The following BBX variants were observed in gnomAD, a reference collection of about 807,000 sequenced individuals.
The protein encoded by BBX is BBX high mobility group box domain containing.
Under a neutral mutation model 100.2 loss-of-function variants are expected in BBX, and 30 were observed. The ratio of observed to expected loss-of-function variants is 0.30; its 90% CI spans 0.22 to 0.41. BBX has a LOEUF of 0.41. Ranked by LOEUF, BBX falls within the 10% of genes least tolerant of loss-of-function variation. BBX has a pLI of 1.00. For synonymous variants in BBX, 376 were observed against 388.1 expected, an observed-to-expected ratio of 0.97 and a Z score of 0.37; for missense variants, 1,023 against 1,129.8, an observed-to-expected ratio of 0.91 and a Z score of 1.35.
chr3:107,535,011 C>T (rs1466455338), intron 2 of BBX, among the ~76,000 whole-genome samples: 1 of 152,172 alleles, frequency 6.6e-6, no homozygotes, highest in African/African-American at 2.4e-5. Context: ...TTATTTTTCA[C>T]AACAACTTTC....
chr3:107,648,288 T>C (rs2057644687), intron 3 of BBX, among the ~76,000 whole-genome samples: 1 of 152,182 alleles, frequency 6.6e-6, no homozygotes, highest in African/African-American at 2.4e-5. Context: ...CTTACAACTT[T>C]TCCTAAAACT....
Position 107,810,935 on chromosome 3 carries a change from T to C in BBX, c.*5478T>C, listed in dbSNP as rs757935214. On this transcript the variant is annotated 3_prime_UTR_variant, in exon 18 of 18. Coordinates refer to ENST00000325805, the MANE Select transcript of BBX (RefSeq NM_001142568.3). ...CATTTTTTTTTTTTGCTTTCAGAAATTGGCTTGGTTCTCTTTAGAGTTGGT... is the reference window on the plus strand; with the variant it reads ...CATTTTTTTTTTTTGCTTTCAGAAACTGGCTTGGTTCTCTTTAGAGTTGGT... 1.3e-5 allele frequency: 2 copies of C among 151,652 alleles called. No individual in the cohort carries two copies. Among genetic ancestry groups the C allele is most frequent in the African/African-American group, 2.4e-5 (1 of 41,324 alleles). 9.4% of individuals were successfully genotyped at this position (151,652 alleles called of 1,614,324 possible).
intron 9 of BBX, among the ~76,000 whole-genome samples, chr3:107,752,186 C>T (rs1233688543): frequency 6.6e-6 from 1 of 152,132 alleles, no homozygotes; most frequent in Non-Finnish European, 1.5e-5. Flanking sequence ...AAGATATTTG[C>T]TTTGCCTATA....
chr3:107,662,346 G>A (rs933643070), intron 3 of BBX, among the ~76,000 whole-genome samples: 4 of 152,050 alleles, frequency 2.6e-5, no homozygotes, highest in Non-Finnish European at 5.9e-5. Flanking sequence ...AATCCCTGAC[G>A]GTGGCGGGTA....
At chr3:107,576,936 C>T (rs545454396) in intron 2 of BBX, among the ~76,000 whole-genome samples, 194 of 152,270 alleles carry the variant, frequency 1.3e-3, no homozygotes, top group African/African-American at 4.5e-3. Flanking sequence ...TCTTGGCTCA[C>T]TGCAACCTCT....
At chr3:107,701,149 G>T (rs10460809) in intron 3 of BBX, among the ~76,000 whole-genome samples, 1 of 151,924 alleles carries the variant, frequency 6.6e-6, no homozygotes, top group South Asian at 2.1e-4. Context: ...GGTGTGAGAT[G>T]GTATCTCGTT....
intron 2 of BBX, among the ~76,000 whole-genome samples, chr3:107,597,989 A>G (rs1028449206): frequency 2.6e-5 from 4 of 151,844 alleles, no homozygotes; most frequent in African/African-American, 7.3e-5. Context: ...AGGGTAATCT[A>G]CTCCCCTGGA....
At chr3:107,630,798 T>A (rs2056499951) in intron 2 of BBX, among the ~76,000 whole-genome samples, 1 of 152,112 alleles carries the variant, frequency 6.6e-6, no homozygotes, top group Admixed American at 6.6e-5. Flanking sequence ...AGAGAGCAGG[T>A]TTAGACCAAC....
intron 2 of BBX, among the ~76,000 whole-genome samples, chr3:107,605,830 G>A (rs1197864926): frequency 6.6e-6 from 1 of 152,142 alleles, no homozygotes; most frequent in Non-Finnish European, 1.5e-5. Flanking sequence ...TGTAAGACAT[G>A]CTTAATAATT....
intron 3 of BBX, among the ~76,000 whole-genome samples, chr3:107,656,416 T>C (rs1441033344): frequency 2.0e-5 from 3 of 152,200 alleles, no homozygotes; most frequent in Non-Finnish European, 2.9e-5. Flanking sequence ...TTATTTAGTG[T>C]GTATGTGTTA....
At chr3:107,556,317 G>T (rs977681530) in intron 2 of BBX, among the ~76,000 whole-genome samples, 2 of 152,052 alleles carry the variant, frequency 1.3e-5, no homozygotes, top group Non-Finnish European at 2.9e-5. Flanking sequence ...ATATAAAAAT[G>T]GTTCATATTA....
chr3:107,678,079 A>G (rs532745567), intron 3 of BBX, among the ~76,000 whole-genome samples: 1 of 152,004 alleles, frequency 6.6e-6, no homozygotes, highest in Non-Finnish European at 1.5e-5. Flanking sequence ...TTTATTATGT[A>G]TTTTTTTAAA....
At chr3:107,546,877 T>C (rs1210947364) in intron 2 of BBX, among the ~76,000 whole-genome samples, 1 of 152,188 alleles carries the variant, frequency 6.6e-6, no homozygotes, top group Non-Finnish European at 1.5e-5. Context: ...AGCAATTATA[T>C]TGATTTGCTG....
At chr3:107,642,121 A>G (rs1448278622) in intron 2 of BBX, among the ~76,000 whole-genome samples, 2 of 152,244 alleles carry the variant, frequency 1.3e-5, no homozygotes. Flanking sequence ...GTATAACAAC[A>G]TCATTTTCAG....
chr3:107,730,386 A>G (rs1371096833), intron 6 of BBX, among the ~76,000 whole-genome samples: 1 of 152,134 alleles, frequency 6.6e-6, no homozygotes, highest in East Asian at 1.9e-4. Context: ...GTATATAGAT[A>G]ACTGACTTCC....
intron 13 of BBX, among the ~76,000 whole-genome samples, chr3:107,786,638 T>C (rs1265552995): frequency 6.6e-6 from 1 of 152,156 alleles, no homozygotes; most frequent in African/African-American, 2.4e-5. Context: ...ATGTACAAAA[T>C]TTAACTTAGA....
chr3:107,554,243 T>A (rs1159473572), intron 2 of BBX, among the ~76,000 whole-genome samples: 1 of 152,218 alleles, frequency 6.6e-6, no homozygotes, highest in Non-Finnish European at 1.5e-5. Context: ...ATTACGGATT[T>A]AGAGAATTAG....
At chr3:107,611,567 G>C (rs1264319279) in intron 2 of BBX, among the ~76,000 whole-genome samples, 1 of 152,142 alleles carries the variant, frequency 6.6e-6, no homozygotes, top group Non-Finnish European at 1.5e-5. Context: ...CTCTCTCCTG[G>C]CTTGTGAGGT....
chr3:107,532,156 C>T (rs1559780536), intron 2 of BBX, among the ~76,000 whole-genome samples: 1 of 151,630 alleles, frequency 6.6e-6, no homozygotes, highest in South Asian at 2.1e-4. Context: ...ATCGTGTCAC[C>T]GCACTCCAGC....
Sources: gnomAD v4.1 joint callset for allele counts (sites outside exome capture counted in the v4.1 genomes callset) on GRCh38, gnomAD v4.1.1 for gene constraint, MANE v1.5 for transcripts, NCBI Gene and HGNC (gene_info 2026-07-23, HGNC 2026-07-21) for gene names.